The following EPHA5 variants were observed in gnomAD, a reference collection of about 807,000 sequenced individuals.
The protein encoded by EPHA5 is EPH receptor A5.
In EPHA5, 60 loss-of-function variants were observed where a neutral mutation model predicts 105.0. That is an observed-to-expected ratio of 0.57 (90% confidence interval 0.46 to 0.71). EPHA5 has a LOEUF of 0.71. Ranked by LOEUF, EPHA5 falls within the 30% of genes least tolerant of loss-of-function variation. The pLI, the probability that EPHA5 is intolerant of heterozygous loss-of-function variation, is 0.00. For missense variants in EPHA5, 1,218 were observed against 1,274.7 expected, an observed-to-expected ratio of 0.96 and a Z score of 0.68; for synonymous variants, 513 against 449.1, an observed-to-expected ratio of 1.14 and a Z score of -1.80.
At position 65,465,460 on chromosome 4, in the gene EPHA5, A is replaced by G. The variant is rs200181620; in HGVS notation, c.1402+24917T>C. Among the ~76,000 whole-genome samples, 132 of 106,808 alleles carry G rather than the reference A, an allele frequency of 1.2e-3. 1 individual carries two copies. The highest frequency in any genetic ancestry group is 4.8e-3 in the African/African-American group (126 of 26,436). The allele number at this position is 106,808 out of a possible 152,430, so 70.1% of individuals were successfully genotyped here. A position where few individuals can be genotyped will look rare whatever the true frequency, so the allele number is the denominator to read the frequency against. On this transcript the variant is annotated intron_variant, in intron 5 of 16. Transcript: ENST00000613740. ...CTAAAGAAAGAAAGAAAGAAAGAAA[A>G]GAAAGAAAAAGAAAGAAAGAAAGAA...
Position 65,357,787 on chromosome 4 carries a change from C to T in EPHA5, c.2174-4684G>A, listed in dbSNP as rs72640277. Among the ~76,000 whole-genome samples, 208 of 150,828 alleles carry T rather than the reference C, an allele frequency of 1.4e-3. 2 individuals carry two copies. Among genetic ancestry groups the T allele is most frequent in the Non-Finnish European group, 2.2e-3 (150 of 67,472 alleles). Reference sequence around the variant, plus strand: ...GTAGGGGTAATAATACTGTATTGTACACTTGAAAAAAAATTAAAGGTGTAT... The same window carrying T: ...GTAGGGGTAATAATACTGTATTGTATACTTGAAAAAAAATTAAAGGTGTAT... On this transcript the variant is annotated intron_variant, in intron 11 of 16. Transcript: ENST00000613740.
intron 5 of EPHA5, among the ~76,000 whole-genome samples, chr4:65,427,420 A>T (rs1237127752): frequency 6.6e-6 from 1 of 151,934 alleles, no homozygotes; most frequent in Non-Finnish European, 1.5e-5. Flanking sequence ...TGACCTCATG[A>T]TCCACCTACC....
At chr4:65,562,825 G>A (rs924422605) in intron 3 of EPHA5, among the ~76,000 whole-genome samples, 19 of 152,076 alleles carry the variant, frequency 1.2e-4, no homozygotes, top group African/African-American at 3.1e-4. Context: ...AATTAGCCAG[G>A]TGTGGTGGTA....
Position 65,323,007 on chromosome 4 carries a change from T to G in EPHA5, c.*1107A>C, listed in dbSNP as rs1360874419. The G allele has an allele frequency of 4.4e-6, 1 of 229,228 alleles. No individual in the cohort carries two copies. The highest frequency in any genetic ancestry group is 6.2e-5 in the East Asian group (1 of 16,250). 14.2% of individuals were successfully genotyped at this position (229,228 alleles called of 1,614,324 possible). A position where few individuals can be genotyped will look rare whatever the true frequency, so the allele number is the denominator to read the frequency against. On this transcript the variant is annotated 3_prime_UTR_variant, in exon 17 of 17. Coordinates refer to ENST00000613740, the MANE Select transcript of EPHA5 (RefSeq NM_001281766.3). The stretch of plus-strand genomic sequence containing the variant: ...AACAGAAGCCTGCACAGTTAAATCC[T>G]TCTACATCCTGCTGAAAATGTGCCC...
intron 5 of EPHA5, among the ~76,000 whole-genome samples, chr4:65,461,602 T>A (rs1360684777): frequency 6.6e-6 from 1 of 152,028 alleles, no homozygotes; most frequent in African/African-American, 2.4e-5. Flanking sequence ...AGCAGATTAA[T>A]GGAGGACGTA....
At chr4:65,389,715 A>T (rs1048420211) in intron 8 of EPHA5, among the ~76,000 whole-genome samples, 2 of 152,064 alleles carry the variant, frequency 1.3e-5, no homozygotes, top group Non-Finnish European at 2.9e-5. Context: ...AAGCATTAGG[A>T]TTCTCCAACA....
intron 3 of EPHA5, among the ~76,000 whole-genome samples, chr4:65,599,587 T>C (rs112499170): frequency 9.2e-5 from 14 of 152,252 alleles, no homozygotes; most frequent in African/African-American, 3.1e-4. Context: ...GCGTTAATCA[T>C]ACCGACTACA....
At chr4:65,579,299 A>C (rs1214647676) in intron 3 of EPHA5, among the ~76,000 whole-genome samples, 2 of 149,594 alleles carry the variant, frequency 1.3e-5, no homozygotes, top group Non-Finnish European at 3.0e-5. Flanking sequence ...TCGAAGACAG[A>C]AAAGAGATGT....
chr4:65,544,680 G>C (rs957277183), intron 3 of EPHA5, among the ~76,000 whole-genome samples: 4 of 151,930 alleles, frequency 2.6e-5, no homozygotes, highest in Admixed American at 1.3e-4. Context: ...ATTCCTCAAA[G>C]GTCTAGAACC....
At chr4:65,381,697 GT>G (rs1719580528) in intron 8 of EPHA5, among the ~76,000 whole-genome samples, 1 of 151,798 alleles carries the variant, frequency 6.6e-6, no homozygotes, top group Non-Finnish European at 1.5e-5. Flanking sequence ...AAATTTGTAT[GT>G]TGAAGTCTTG....
rs1250509846 is a variant in EPHA5 at position 65,490,586 on chromosome 4, C to T, written c.1193G>A (p.Cys398Tyr). 2 of 1,614,144 alleles carry T rather than the reference C, an allele frequency of 1.2e-6. No individual in the cohort carries two copies. The highest frequency in any genetic ancestry group is 2.7e-5 in the African/African-American group (2 of 75,030). ...CTCACACACACCTGCATGGGAGTTG[C>T]ACTTCTTGCATGCAATATAATATGA... ...DVSYYIACKK[C>Y]NSHAGVCEEC... Residue 398 changes from cysteine to tyrosine, a missense_variant, in exon 5 of 17, where the codon TGC becomes TAC. Around this residue, in one of 3 missense-constraint regions of EPHA5, gnomAD observed 971 missense variants for 1,013.5 expected, o/e 0.96. Coordinates refer to ENST00000613740, the MANE Select transcript of EPHA5 (RefSeq NM_001281766.3).
chr4:65,643,562 G>A (rs1252325910), intron 1 of EPHA5, 135 bp from the exon 2 acceptor site: 10 of 557,490 alleles, frequency 1.8e-5, no homozygotes, highest in South Asian at 3.0e-5. Flanking sequence ...GAATACAATG[G>A]GTATAATTTA....
intron 2 of EPHA5, among the ~76,000 whole-genome samples, chr4:65,634,226 A>T (rs568505973): frequency 7.9e-5 from 12 of 152,238 alleles, no homozygotes; most frequent in African/African-American, 2.6e-4. Flanking sequence ...ACTTCTAAAG[A>T]ATAAAATATT....
Position 65,609,422 on chromosome 4 carries a change from T to A in EPHA5, c.247-7118A>T, listed in dbSNP as rs6846704. Among the ~76,000 whole-genome samples the A allele has an allele frequency of 9.6e-4, 146 of 152,156 alleles. 4 individuals carry two copies. In the East Asian group the frequency reaches 0.025, roughly 26 times the overall value. ...TTTCTGTGTATGAAATAAAACTGAA[T>A]TTGATTACTTTATTGCCTGTGGAAT... On this transcript the variant is annotated intron_variant, in intron 2 of 16. Coordinates refer to ENST00000613740, the MANE Select transcript of EPHA5 (RefSeq NM_001281766.3).
chr4:65,458,506 C>T (rs1294106887), intron 5 of EPHA5, among the ~76,000 whole-genome samples: 1 of 152,130 alleles, frequency 6.6e-6, no homozygotes, highest in African/African-American at 2.4e-5. Context: ...ATTCAACTGT[C>T]TCCTTAATGA....
chr4:65,423,242 C>T (rs34591274), intron 5 of EPHA5, among the ~76,000 whole-genome samples: 9,135 of 152,028 alleles, frequency 0.06, 534 homozygotes, highest in African/African-American at 0.15. Context: ...AATCCTATTA[C>T]ATCATATTGA....
At chr4:65,626,731 A>AT (rs201655448) in intron 2 of EPHA5, among the ~76,000 whole-genome samples, 3,311 of 152,272 alleles carry the variant, frequency 0.022, 134 homozygotes, top group African/African-American at 0.076. Flanking sequence ...GAGGAAACAC[A>AT]TTTTTTTAGA....
chr4:65,447,274 G>C (rs1404125791), intron 5 of EPHA5, among the ~76,000 whole-genome samples: 4 of 151,844 alleles, frequency 2.6e-5, no homozygotes, highest in Admixed American at 2.6e-4. Flanking sequence ...ATTTGCTATT[G>C]GGTGGAGACT....
intron 8 of EPHA5, among the ~76,000 whole-genome samples, chr4:65,373,554 A>G (rs1165863627): frequency 6.6e-6 from 1 of 151,958 alleles, no homozygotes; most frequent in African/African-American, 2.4e-5. Context: ...ATAATAGTTA[A>G]TGTTTCAAAG....
Sources: gnomAD v4.1 joint callset for allele counts (sites outside exome capture counted in the v4.1 genomes callset) on GRCh38, gnomAD v4.1.1 for gene constraint, gnomAD v4.1.1 regional missense constraint, MANE v1.5 for transcripts, NCBI Gene and HGNC (gene_info 2026-07-23, HGNC 2026-07-21) for gene names.